The following SPATA16 variants were observed in gnomAD, a reference collection of about 807,000 sequenced individuals.
SPATA16 encodes the protein spermatogenesis associated 16.
In SPATA16, 36 loss-of-function variants were observed where a neutral mutation model predicts 63.3. The observed-to-expected ratio is 0.57, with a 90% confidence interval of 0.44 to 0.75. The LOEUF (loss-of-function observed/expected upper bound fraction) is 0.75. Ranked by LOEUF, SPATA16 falls within the 30% of genes least tolerant of loss-of-function variation. SPATA16 has a pLI of 0.00. For synonymous variants in SPATA16, 203 were observed against 216.7 expected (o/e 0.94, Z 0.56); for missense variants, 646 against 679.3 (o/e 0.95, Z 0.54).
intron 2 of SPATA16, among the ~76,000 whole-genome samples, chr3:173,088,007 CGTCT>C (rs1403664437): frequency 0.072 from 8,496 of 118,214 alleles, 504 homozygotes; most frequent in African/African-American, 0.091. Flanking sequence ...ATTTTCTTTC[CGTCT>C]TTCTTTCTTT....
In SPATA16 at chr3:172,931,962, G is replaced by C. The variant is rs1281773509; in HGVS notation, c.1082-6470C>G. ...ATATGAACTCAGTCACAAAAGATTGGATTAATGGGGAGAGTTTGGCTTAGT... is the reference window on the plus strand; with the variant it reads ...ATATGAACTCAGTCACAAAAGATTGCATTAATGGGGAGAGTTTGGCTTAGT... On this transcript the variant is annotated intron_variant, in intron 6 of 10. Coordinates refer to ENST00000351008, the MANE Select transcript of SPATA16 (RefSeq NM_031955.6). Among the ~76,000 whole-genome samples, 3 of 152,268 alleles carry C rather than the reference G, an allele frequency of 2.0e-5. No homozygotes were observed. The East Asian group carries it at 5.8e-4, about 29-fold the overall frequency.
chr3:172,994,441 C>T (rs1032922044), intron 4 of SPATA16, among the ~76,000 whole-genome samples: 2 of 152,036 alleles, frequency 1.3e-5, no homozygotes, highest in African/African-American at 4.8e-5. Flanking sequence ...GAGGAAAAAG[C>T]TATTTTGAGC....
chr3:173,029,406 G>GTTTTTTTTTTTTTTTTTTTTT (rs57233262), intron 3 of SPATA16, among the ~76,000 whole-genome samples: 1 of 139,852 alleles, frequency 7.2e-6, no homozygotes, highest in African/African-American at 2.8e-5. Flanking sequence ...AGTAATCAGA[G>GTTTTTTTTTTTTTTTTTTTTT]TTTTTTTTTT....
intron 6 of SPATA16, among the ~76,000 whole-genome samples, chr3:172,939,423 C>T (rs940059781): frequency 2.0e-5 from 3 of 152,150 alleles, no homozygotes; most frequent in African/African-American, 7.2e-5. Context: ...GGGCAATAGA[C>T]AGGCAGACTA....
chr3:173,059,832 C>CTTTTTTTTTT (rs201000096), intron 2 of SPATA16, among the ~76,000 whole-genome samples: 6 of 71,338 alleles, frequency 8.4e-5, no homozygotes, highest in Non-Finnish European at 1.4e-4. Flanking sequence ...CATTTGGTAG[C>CTTTTTTTTTT]TTTTTTTTTT....
chr3:173,069,600 A>G (rs1048270216), intron 2 of SPATA16, among the ~76,000 whole-genome samples: 1 of 152,216 alleles, frequency 6.6e-6, no homozygotes, highest in African/African-American at 2.4e-5. Context: ...ATTCTAAACA[A>G]TTGAGGAGGA....
intron 6 of SPATA16, among the ~76,000 whole-genome samples, chr3:172,943,593 A>G (rs1406086200): frequency 7.9e-5 from 12 of 152,172 alleles, no homozygotes. Flanking sequence ...TACAAAATGT[A>G]GCTGGGCATG....
At chr3:173,140,519 G>A (rs1738681708) in intron 1 of SPATA16, among the ~76,000 whole-genome samples, 4 of 152,174 alleles carry the variant, frequency 2.6e-5, no homozygotes, top group Admixed American at 2.0e-4. Context: ...CAGGCATGAT[G>A]TTAGGATACA....
chr3:173,010,202 T>C (rs1735033587), intron 4 of SPATA16, among the ~76,000 whole-genome samples: 1 of 152,188 alleles, frequency 6.6e-6, no homozygotes. Flanking sequence ...TGAGTTTCTC[T>C]GGGACACAAC....
intron 1 of SPATA16, among the ~76,000 whole-genome samples, chr3:173,126,841 T>A (rs1423012785): frequency 3.3e-5 from 5 of 152,176 alleles, no homozygotes; most frequent in Non-Finnish European, 7.4e-5. Flanking sequence ...CCCACCACAA[T>A]ACACAAGGTA....
intron 10 of SPATA16, among the ~76,000 whole-genome samples, chr3:172,899,830 T>C (rs1732090193): frequency 6.6e-6 from 1 of 152,104 alleles, no homozygotes; most frequent in East Asian, 1.9e-4. Flanking sequence ...ACGTAAAATA[T>C]GTGTGTGTGT....
At chr3:173,018,133 ATGT>A (rs1312197991) in intron 4 of SPATA16, among the ~76,000 whole-genome samples, 1 of 152,174 alleles carries the variant, frequency 6.6e-6, no homozygotes. Context: ...AGATAAAAAG[ATGT>A]TGTGGCATTT....
chr3:173,128,208 A>T (rs1738277765), intron 1 of SPATA16, among the ~76,000 whole-genome samples: 1 of 152,100 alleles, frequency 6.6e-6, no homozygotes, highest in Non-Finnish European at 1.5e-5. Flanking sequence ...AGTAAATCAA[A>T]ATTCATTTGT....
In SPATA16 at chr3:172,965,101, A is replaced by G. The variant is rs188867706; in HGVS notation, c.934-8277T>C. ...TGTGCGTTGGCGAAGTGCTGTAGAT[A>G]AACTATTCTGTTAGTTTGCTAAAAC... On this transcript the variant is annotated intron_variant, in intron 5 of 10. Coordinates refer to ENST00000351008, the MANE Select transcript of SPATA16 (RefSeq NM_031955.6). 3.7e-4 allele frequency among the ~76,000 whole-genome samples: 56 copies of G among 152,332 alleles called. 1 individual carries two copies. The highest frequency in any genetic ancestry group is 1.3e-4 in the Non-Finnish European group (9 of 68,034).
chr3:173,132,028 G>A (rs1738399841), intron 1 of SPATA16, among the ~76,000 whole-genome samples: 1 of 151,966 alleles, frequency 6.6e-6, no homozygotes, highest in Non-Finnish European at 1.5e-5. Flanking sequence ...AGACATTAGA[G>A]CTAGGTAAGG....
At chr3:173,029,370 G>C (rs1735542837) in intron 3 of SPATA16, among the ~76,000 whole-genome samples, 1 of 151,470 alleles carries the variant, frequency 6.6e-6, no homozygotes, top group Admixed American at 6.6e-5. Context: ...AGAGACAAAG[G>C]ACAGTTTATT....
intron 2 of SPATA16, among the ~76,000 whole-genome samples, chr3:173,088,060 TTCTTTCTTTCTTTCTTTCTGTCTTTTC>T (rs1737116708): frequency 7.5e-6 from 1 of 133,296 alleles, no homozygotes; most frequent in Non-Finnish European, 1.7e-5. Flanking sequence ...CTTTCTTTCT[TTCTTTCTTTCTTTCTTTCTGTCTTTTC>T]TTTTTTTTTT....
chr3:172,952,643 A>G (rs567195085), intron 6 of SPATA16, among the ~76,000 whole-genome samples: 1 of 152,280 alleles, frequency 6.6e-6, no homozygotes, highest in African/African-American at 2.4e-5. Flanking sequence ...TGACTGAGGT[A>G]AAAAGAAAAG....
intron 1 of SPATA16, among the ~76,000 whole-genome samples, chr3:173,140,864 G>A (rs763106111): frequency 1.3e-5 from 2 of 152,092 alleles, no homozygotes; most frequent in Non-Finnish European, 2.9e-5. Flanking sequence ...CCGGTGCAGC[G>A]GACAGGGAAC....
Sources: allele counts gnomAD v4.1 joint callset (sites outside exome capture counted in the v4.1 genomes callset), GRCh38; gene constraint gnomAD v4.1.1; transcripts MANE v1.5; gene names NCBI Gene and HGNC (gene_info 2026-07-23, HGNC 2026-07-21).